RGS13: variants seen among roughly 807,000 people sequenced by gnomAD.
RGS13 encodes the protein regulator of G protein signaling 13, also known as regulator of G-protein signalling 13.
A neutral mutation model predicts 19.9 loss-of-function variants in RGS13; 14 were observed. The ratio of observed to expected loss-of-function variants is 0.70; its 90% confidence interval spans 0.46 to 1.10. The LOEUF is 1.10. Ranked by LOEUF, RGS13 falls within the 50% of genes least tolerant of loss-of-function variation. The pLI is 0.00. For missense variants in RGS13, 205 were observed against 187.1 expected, an observed-to-expected ratio of 1.10 and a Z score of -0.56; for synonymous variants, 60 against 56.8, an observed-to-expected ratio of 1.06 and a Z score of -0.25.
Position 192,644,312 on chromosome 1 carries a change from A to T in RGS13, c.-4-19A>T. The T allele has an allele frequency of 3.9e-6, 6 of 1,549,156 alleles. No individual in the cohort carries two copies. The highest frequency in any genetic ancestry group is 5.3e-6 in the Non-Finnish European group (6 of 1,124,486). ...TTTTAAATGATTAAATTATACAAAT[A>T]TATACTGTATTTCCTTAGAAAAATG... is the stretch of plus-strand genomic sequence containing the variant. On this transcript the variant is annotated intron_variant, in intron 3 of 6. Coordinates refer to ENST00000391995, the MANE Select transcript of RGS13 (RefSeq NM_002927.5).
At chr1:192,638,950 A>G (rs1663058486) in intron 3 of RGS13, among the ~76,000 whole-genome samples, 1 of 152,174 alleles carries the variant, frequency 6.6e-6, no homozygotes, top group Admixed American at 6.6e-5. Context: ...ACAATTTAGG[A>G]AACTTAAAGT....
intron 5 of RGS13, among the ~76,000 whole-genome samples, chr1:192,654,264 A>G (rs1370172148): frequency 2.0e-5 from 3 of 151,910 alleles, no homozygotes; most frequent in Non-Finnish European, 4.4e-5. Context: ...CCATTATGGA[A>G]TATTTTCCTC....
chr1:192,653,878 A>G (rs536541516), intron 5 of RGS13, among the ~76,000 whole-genome samples: 1 of 152,078 alleles, frequency 6.6e-6, no homozygotes, highest in South Asian at 2.1e-4. Context: ...TTCTGCATTA[A>G]AAACGACCCA....
intron 3 of RGS13, among the ~76,000 whole-genome samples, chr1:192,639,896 G>A (rs1263581150): frequency 6.6e-6 from 1 of 152,122 alleles, no homozygotes; most frequent in Non-Finnish European, 1.5e-5. Context: ...ACCTTAGTGA[G>A]TGTTGCATAC....
intron 6 of RGS13, chr1:192,659,109 G>C (rs1663560235): frequency 2.9e-6 from 1 of 343,464 alleles, no homozygotes; most frequent in Non-Finnish European, 5.2e-6. Context: ...CTGGCCTTGA[G>C]CCTCATATTT....
intron 3 of RGS13, 122 bp downstream of exon 3, chr1:192,638,325 C>A (rs926988236): frequency 3.9e-5 from 6 of 151,980 alleles, no homozygotes; most frequent in Admixed American, 1.3e-4. Flanking sequence ...TTAAGCCGTA[C>A]ATGTTCCTTT....
intron 5 of RGS13, among the ~76,000 whole-genome samples, chr1:192,655,884 T>C (rs1663428960): frequency 1.3e-5 from 2 of 151,886 alleles, no homozygotes; most frequent in South Asian, 4.1e-4. Flanking sequence ...AGATAGATGA[T>C]AGACAGACAG....
rs12047229 is a variant in RGS13, at chr1:192,647,890, T to C, written c.66-36T>C. On this transcript the variant is annotated intron_variant, in intron 4 of 6. Coordinates refer to ENST00000391995, the MANE Select transcript of RGS13 (RefSeq NM_002927.5). Reference sequence around the variant, plus strand: ...TAGTTCAACAAAAACCTTGAGAATATTTAGCCCAATCAGTGCTTTTTGTTT... The same window carrying C: ...TAGTTCAACAAAAACCTTGAGAATACTTAGCCCAATCAGTGCTTTTTGTTT... The C allele has an allele frequency of 4.2e-4, 607 of 1,440,052 alleles. 10 individuals are homozygous for C. The East Asian group carries it at 0.01, about 25-fold the overall frequency. 89.2% of individuals were successfully genotyped at this position (1,440,052 alleles called of 1,614,324 possible).
At chr1:192,656,261 TC>T (rs1453305158) in intron 5 of RGS13, among the ~76,000 whole-genome samples, 1 of 152,126 alleles carries the variant, frequency 6.6e-6, no homozygotes, top group Non-Finnish European at 1.5e-5. Context: ...TATCTCATTT[TC>T]TTTCTGTTCC....
chr1:192,650,834 T>A (rs769400239), intron 5 of RGS13, among the ~76,000 whole-genome samples: 3 of 151,818 alleles, frequency 2.0e-5, no homozygotes, highest in Admixed American at 6.6e-5. Flanking sequence ...AGATTTTTTT[T>A]ATATATTTAA....
intron 3 of RGS13, among the ~76,000 whole-genome samples, chr1:192,643,279 A>T (rs1368329044): frequency 6.6e-6 from 1 of 152,178 alleles, no homozygotes; most frequent in African/African-American, 2.4e-5. Context: ...TTTTGAATGA[A>T]TCGTAAAGAC....
chr1:192,642,720 C>T (rs1246396419), intron 3 of RGS13, among the ~76,000 whole-genome samples: 2 of 152,086 alleles, frequency 1.3e-5, no homozygotes, highest in Non-Finnish European at 2.9e-5. Flanking sequence ...TCGTGGATAT[C>T]CTGCTGGTTC....
chr1:192,641,205 A>G (rs1558049019), intron 3 of RGS13, among the ~76,000 whole-genome samples: 1 of 90,908 alleles, frequency 1.1e-5, no homozygotes, highest in Non-Finnish European at 2.1e-5. Context: ...AGAAAAAAGG[A>G]AAGAAAGAAA....
intron 4 of RGS13, chr1:192,645,040 C>T (rs1663191497): frequency 6.6e-6 from 1 of 152,248 alleles, no homozygotes. Flanking sequence ...GGCATGAATG[C>T]TCTTTCACTA....
Position 192,647,938 on chromosome 1 carries a change from G to T in RGS13, c.78G>T (p.Glu26Asp). Residue 26 changes from glutamate (E) to aspartate (D), a missense_variant, in exon 5 of 7, where the codon GAG (glutamate) becomes GAT (aspartate). Physicochemically the swap from Glu to Asp is conservative, Grantham distance 45 (BLOSUM62 2). Transcript: ENST00000391995. ...SKRPPSNLTL[E>D]EVLQWAQSFE... ...TTTCTTTTCAAAGCCTTACTTTGGA[G>T]GAAGTATTACAGTGGGCCCAGTCTT... 1 of 1,595,552 alleles carries T rather than the reference G, an allele frequency of 6.3e-7. No homozygotes were observed. The highest frequency in any genetic ancestry group is 1.1e-5 in the South Asian group (1 of 88,258).
intron 5 of RGS13, among the ~76,000 whole-genome samples, chr1:192,656,725 A>G (rs1663451036): frequency 6.6e-6 from 1 of 152,026 alleles, no homozygotes; most frequent in African/African-American, 2.4e-5. Context: ...CCATGTTTCA[A>G]TTTTGAGTAT....
chr1:192,646,955 C>A (rs922313382), intron 4 of RGS13: 2 of 152,132 alleles, frequency 1.3e-5, no homozygotes, highest in Non-Finnish European at 2.9e-5. Flanking sequence ...GAATCTTTCA[C>A]AACTATTTTC....
rs765337505 is a variant in RGS13 at position 192,658,280 on chromosome 1, C to T, written c.207C>T (p.Thr69=). The change falls in exon 6 of 7, where the codon ACC becomes ACT. Residue 69 remains threonine (T), a synonymous_variant. Coordinates refer to ENST00000391995, the MANE Select transcript of RGS13 (RefSeq NM_002927.5). ...TTCAATTCTGGATGGCATGTGAAACCTATAAGAAAATTGCCTCACGGTGGA... is the reference window on the plus strand; with the variant it reads ...TTCAATTCTGGATGGCATGTGAAACTTATAAGAAAATTGCCTCACGGTGGA... ...ENIQFWMACE[T]YKKIASRWSR... is the part of the protein sequence containing the mutation. 9 of 1,613,320 alleles carry T rather than the reference C, an allele frequency of 5.6e-6. No individual in the cohort carries two copies. The South Asian group carries it at 9.9e-5, about 18-fold the overall frequency.
chr1:192,656,092 C>T (rs561293726), intron 5 of RGS13, among the ~76,000 whole-genome samples: 3 of 152,154 alleles, frequency 2.0e-5, no homozygotes, highest in South Asian at 4.1e-4. Context: ...CATTTTACTA[C>T]ATAATTAAGC....
Sources: gnomAD v4.1 joint callset for allele counts (sites outside exome capture counted in the v4.1 genomes callset) on GRCh38, gnomAD v4.1.1 for gene constraint, MANE v1.5 for transcripts, NCBI Gene and HGNC (gene_info 2026-07-23, HGNC 2026-07-21) for gene names.